PTPRN2: variants seen among roughly 807,000 people sequenced by gnomAD.
The protein encoded by PTPRN2 is protein tyrosine phosphatase receptor type N2, also known as receptor-type tyrosine-protein phosphatase N2.
Under a neutral mutation model 118.8 loss-of-function variants are expected in PTPRN2, and 74 were observed. The observed-to-expected ratio is 0.62, with a 90% CI of 0.52 to 0.76. The LOEUF is 0.76. Among genes scored for constraint, PTPRN2 ranks in the 30% least tolerant of loss-of-function variants. The probability of loss-of-function intolerance (pLI) is 0.00; values close to 1 mark genes in which losing one functional copy is unlikely to be tolerated. For missense variants in PTPRN2, 1,481 were observed against 1,394.4 expected, an observed-to-expected ratio of 1.06 and a Z score of -0.99; for synonymous variants, 641 against 608.0, an observed-to-expected ratio of 1.05 and a Z score of -0.80.
At chr7:158,458,770 G>A (rs1316239068) in intron 2 of PTPRN2, among the ~76,000 whole-genome samples, 2 of 152,206 alleles carry the variant, frequency 1.3e-5, no homozygotes, top group Admixed American at 6.5e-5. Flanking sequence ...GCTCCACGCT[G>A]CCTAAGAGCA....
At chr7:158,334,517 A>T (rs1243016808) in intron 2 of PTPRN2, among the ~76,000 whole-genome samples, 1,764 of 93,736 alleles carry the variant, frequency 0.019, 34 homozygotes, top group African/African-American at 0.06. Flanking sequence ...TCACCATAAG[A>T]GGTGACACCT....
chr7:158,500,444 G>A (rs1822278894), intron 1 of PTPRN2, among the ~76,000 whole-genome samples: 1 of 152,212 alleles, frequency 6.6e-6, no homozygotes, highest in African/African-American at 2.4e-5. Flanking sequence ...TTAAAACTCT[G>A]TAAAAGTCCC....
In PTPRN2 at chr7:157,764,175, T is replaced by C. The variant is rs1802311587; in HGVS notation, c.1789-81238A>G. Among the ~76,000 whole-genome samples the C allele has an allele frequency of 6.6e-6, 1 of 151,944 alleles. No homozygotes were observed. Among genetic ancestry groups the C allele is most frequent in the South Asian group, 2.1e-4 (1 of 4,798 alleles). On this transcript the variant is annotated intron_variant, in intron 12 of 22. Coordinates refer to ENST00000389418, the MANE Select transcript of PTPRN2 (RefSeq NM_002847.5). This position sits in a 1 kb window ranked among gnomAD's most constrained non-coding sequence, Gnocchi z 4.5. ...GCATGATGCAGTCGCTGTTAGTGGGTCCTCAAAAAACTAACCACAGAATCA... is the reference window on the plus strand; with the variant it reads ...GCATGATGCAGTCGCTGTTAGTGGGCCCTCAAAAAACTAACCACAGAATCA...
rs551722296 is a variant in PTPRN2 at position 158,326,226 on chromosome 7, G to A, written c.164-9294C>T. On this transcript the variant is annotated intron_variant, in intron 2 of 22. Coordinates refer to ENST00000389418, the MANE Select transcript of PTPRN2 (RefSeq NM_002847.5). ...CCCTCCCTGCATCCAAACAAGGCAA[G>A]GCCCAGAGGCTGCGGTCACCCAGGT... is the stretch of plus-strand genomic sequence containing the variant. 2.6e-5 allele frequency among the ~76,000 whole-genome samples: 4 copies of A among 152,322 alleles called. No homozygotes were observed. In the East Asian group the frequency reaches 7.7e-4, roughly 29 times the overall value.
At chr7:157,811,750 A>G (rs950143701) in intron 12 of PTPRN2, among the ~76,000 whole-genome samples, 1 of 152,122 alleles carries the variant, frequency 6.6e-6, no homozygotes, top group African/African-American at 2.4e-5. Context: ...TCGCTGTGAC[A>G]GCCTCCCCTC....
chr7:157,722,842 C>G (rs1044912669), intron 12 of PTPRN2, among the ~76,000 whole-genome samples: 1 of 152,064 alleles, frequency 6.6e-6, no homozygotes, highest in Non-Finnish European at 1.5e-5. Flanking sequence ...GGCTCTGCTC[C>G]CACGGGTTCG....
intron 6 of PTPRN2, 83 bp downstream of exon 6, chr7:158,166,848 G>A: frequency 7.3e-7 from 1 of 1,376,396 alleles, no homozygotes; most frequent in Non-Finnish European, 9.5e-7. Flanking sequence ...CCACGTGTGG[G>A]AAGAGCATGG....
chr7:157,984,275 C>G (rs1397583708), intron 11 of PTPRN2, among the ~76,000 whole-genome samples: 1 of 146,278 alleles, frequency 6.8e-6, no homozygotes, highest in Non-Finnish European at 1.5e-5. Context: ...CCACCCCCCA[C>G]GCCAGGCTCC....
chr7:158,506,850 C>G (rs1327373732), intron 1 of PTPRN2, among the ~76,000 whole-genome samples: 1 of 152,162 alleles, frequency 6.6e-6, no homozygotes, highest in South Asian at 2.1e-4. Context: ...TGGGCCAGCC[C>G]GATGGTTGCA....
At chr7:157,728,679 T>C (rs1799729996) in intron 12 of PTPRN2, among the ~76,000 whole-genome samples, 1 of 152,264 alleles carries the variant, frequency 6.6e-6, no homozygotes, top group African/African-American at 2.4e-5. Flanking sequence ...CTGCGGCTCC[T>C]TCCTTTGCCT....
intron 5 of PTPRN2, among the ~76,000 whole-genome samples, chr7:158,189,919 G>A (rs528322854): frequency 2.4e-4 from 37 of 152,164 alleles, no homozygotes; most frequent in Non-Finnish European, 4.1e-4. Context: ...TGGGAGAAAT[G>A]CCAGTTTCCA....
intron 22 of PTPRN2, among the ~76,000 whole-genome samples, chr7:157,545,957 C>T (rs1558417): frequency 0.47 from 71,878 of 152,104 alleles, 17,612 homozygotes; most frequent in Middle Eastern, 0.6. Context: ...CTTTGTGAAA[C>T]TGAACTTGTA....
At chr7:158,132,495 G>A (rs955070555) in intron 9 of PTPRN2, among the ~76,000 whole-genome samples, 4 of 148,978 alleles carry the variant, frequency 2.7e-5, no homozygotes, top group African/African-American at 1.0e-4. Context: ...GCACGCACAT[G>A]CACATACAGA....
At position 158,511,375 on chromosome 7, in the gene PTPRN2, C is replaced by T. The variant is rs117904539; in HGVS notation, c.113-21590G>A. ...GGATCGGACAGAGACTATGGAAATG[C>T]GAACGTGCACATCACATCAACCTGT... On this transcript the variant is annotated intron_variant, in intron 1 of 22. Coordinates refer to ENST00000389418, the MANE Select transcript of PTPRN2 (RefSeq NM_002847.5). Among the ~76,000 whole-genome samples, 354 of 152,300 alleles carry T rather than the reference C, an allele frequency of 2.3e-3. 7 individuals carry two copies. The East Asian group carries it at 0.054, about 23-fold the overall frequency.
Position 157,585,043 on chromosome 7 carries a change from C to G in PTPRN2, c.2497-6903G>C, listed in dbSNP as rs1800599870. Among the ~76,000 whole-genome samples, 1 of 151,900 alleles carries G rather than the reference C, an allele frequency of 6.6e-6. No individual in the cohort carries two copies. Among genetic ancestry groups the G allele is most frequent in the African/African-American group, 2.4e-5 (1 of 41,310 alleles). ...ACCAGCTCATGGTGCACCTACCTGG[C>G]TTTTTTTTAGTAAACAAATATCTCA... On this transcript the variant is annotated intron_variant, in intron 17 of 22. Coordinates refer to ENST00000389418, the MANE Select transcript of PTPRN2 (RefSeq NM_002847.5). The surrounding 1 kb of genome is among the most constrained non-coding windows in gnomAD (Gnocchi z 5.2).
intron 12 of PTPRN2, among the ~76,000 whole-genome samples, chr7:157,783,283 G>A (rs981832854): frequency 2.0e-5 from 3 of 151,806 alleles, no homozygotes; most frequent in African/African-American, 4.8e-5. Flanking sequence ...CTGCCTTGGC[G>A]GTGCTGTGAC....
At chr7:158,436,727 G>A (rs946129832) in intron 2 of PTPRN2, among the ~76,000 whole-genome samples, 5 of 152,310 alleles carry the variant, frequency 3.3e-5, no homozygotes, top group East Asian at 1.9e-4. Flanking sequence ...CATCACATGC[G>A]AGGTTCATCA....
rs145701868 is a variant in PTPRN2 at position 158,189,037 on chromosome 7, C to T, written c.549+3290G>A. On this transcript the variant is annotated intron_variant, in intron 5 of 22. Transcript: ENST00000389418. ...GTCTCTGGCAGGAACTTGCTTTCCC[C>T]AGGGGCTGCTATGAGCCATCTCATG... Among the ~76,000 whole-genome samples the T allele has an allele frequency of 3.3e-3, 501 of 152,274 alleles. 3 individuals are homozygous for T. The highest frequency in any genetic ancestry group is 0.012 in the African/African-American group (488 of 41,554).
intron 12 of PTPRN2, among the ~76,000 whole-genome samples, chr7:157,772,167 GCA>G (rs1802886282): frequency 8.3e-6 from 1 of 120,858 alleles, no homozygotes; most frequent in Non-Finnish European, 1.7e-5. Context: ...ACACACACAG[GCA>G]CAGACATACA....
Sources: allele counts gnomAD v4.1 joint callset (sites outside exome capture counted in the v4.1 genomes callset), GRCh38; gene constraint gnomAD v4.1.1; non-coding constraint Gnocchi (gnomAD v3.1); transcripts MANE v1.5; gene names NCBI Gene and HGNC (gene_info 2026-07-23, HGNC 2026-07-21).